Variants in CPD observed in about 807,000 individuals in gnomAD.
The protein encoded by CPD is carboxypeptidase D.
CPD carries 69 observed loss-of-function variants against 138.3 expected under a neutral mutation model. That is an observed-to-expected ratio of 0.50 (90% CI 0.41 to 0.61). CPD has a LOEUF of 0.61. CPD is among the 20% of genes least tolerant of loss of function. CPD has a pLI of 0.00. For missense variants in CPD, 1,432 were observed against 1,733.3 expected (o/e 0.83, Z 3.09); for synonymous variants, 651 against 642.1 (o/e 1.01, Z -0.21).
chr17:30,456,846 CAA>C lies in CPD; in HGVS notation c.3498+342_3498+343del, dbSNP rs11353479. On this transcript the variant is annotated intron_variant, in intron 17 of 20. Transcript: ENST00000225719. ...TGGGCAACAGAGCAAGATTCCATCT[CAA>C]AAAAAAAAAAAAAAAAAAAAAGAAT... is the stretch of plus-strand genomic sequence containing the variant. 3.3e-3 allele frequency: 221 copies of C among 66,752 alleles called. 1 individual carries two copies. The highest frequency in any genetic ancestry group is 0.027 in the East Asian group (65 of 2,442). 4.1% of individuals were successfully genotyped at this position (66,752 alleles called of 1,614,324 possible). A position where few individuals can be genotyped will look rare whatever the true frequency, so the allele number is the denominator to read the frequency against.
intron 11 of CPD, among the ~76,000 whole-genome samples, chr17:30,444,366 A>G (rs1912968333): frequency 6.6e-6 from 1 of 152,152 alleles, no homozygotes. Context: ...AATGTGTTCA[A>G]GATAGTTTTT....
chr17:30,461,072 C>T (rs1184526344), intron 17 of CPD, 108 bp from the exon 18 acceptor site: 21 of 773,672 alleles, frequency 2.7e-5, no homozygotes, highest in African/African-American at 5.3e-5. Flanking sequence ...TCTTTGTTTA[C>T]GTCAGCTACG....
In CPD at chr17:30,469,020, T is replaced by G. The variant is rs1913718362; in HGVS notation, c.*4206T>G. 1 of 152,182 alleles carries G rather than the reference T, an allele frequency of 6.6e-6. No individual in the cohort carries two copies. 9.4% of individuals were successfully genotyped at this position (152,182 alleles called of 1,614,324 possible). A position where few individuals can be genotyped will look rare whatever the true frequency, so the allele number is the denominator to read the frequency against. On this transcript the variant is annotated 3_prime_UTR_variant, in exon 21 of 21. Coordinates refer to ENST00000225719, the MANE Select transcript of CPD (RefSeq NM_001304.5). Reference sequence around the variant, plus strand: ...GCATTTTAAACTTGTTCGTTAAAAATTTGGTCCTTTTTCCAGGTGAGGCCC... The same window carrying G: ...GCATTTTAAACTTGTTCGTTAAAAAGTTGGTCCTTTTTCCAGGTGAGGCCC...
At chr17:30,456,420 C>T in intron 16 of CPD, 42 bp from the exon 17 acceptor site, 1 of 1,611,068 alleles carries the variant, frequency 6.2e-7, no homozygotes, top group Non-Finnish European at 8.5e-7. Flanking sequence ...GGAGTTTCAC[C>T]TTAAGGTCTT....
intron 2 of CPD, among the ~76,000 whole-genome samples, chr17:30,395,354 C>CA (rs1488040158): frequency 6.6e-6 from 1 of 152,082 alleles, no homozygotes; most frequent in African/African-American, 2.4e-5. Flanking sequence ...TGCTTTTGGT[C>CA]TTACCTGATC....
intron 8 of CPD, 78 bp downstream of exon 8, chr17:30,431,959 T>G: frequency 1.1e-6 from 1 of 944,224 alleles, no homozygotes; most frequent in South Asian, 1.6e-5. Context: ...CCTGCAAGAC[T>G]CAGGTCAAGT....
chr17:30,428,226 T>C (rs948336519), intron 7 of CPD, among the ~76,000 whole-genome samples: 11 of 152,068 alleles, frequency 7.2e-5, no homozygotes, highest in Non-Finnish European at 1.5e-4. Flanking sequence ...ATAGGATGAG[T>C]GTCAAGATTA....
intron 8 of CPD, among the ~76,000 whole-genome samples, chr17:30,432,762 A>T (rs1364512537): frequency 6.6e-6 from 1 of 151,990 alleles, no homozygotes; most frequent in Non-Finnish European, 1.5e-5. Flanking sequence ...TAAAAAATAA[A>T]AAAAAAATTA....
intron 2 of CPD, among the ~76,000 whole-genome samples, chr17:30,391,179 C>T (rs1381746764): frequency 1.4e-5 from 2 of 141,912 alleles, no homozygotes; most frequent in Non-Finnish European, 3.0e-5. Context: ...ATTTGTATGC[C>T]ATTTGCCTAC....
At chr17:30,439,218 T>A in intron 9 of CPD, 141 bp downstream of exon 9, 1 of 529,274 alleles carries the variant, frequency 1.9e-6, no homozygotes, top group Non-Finnish European at 3.3e-6. Flanking sequence ...AATATTTAAA[T>A]AATCTTTTCA....
At chr17:30,449,531 T>G in intron 12 of CPD, 22 bp from the exon 13 acceptor site, 1 of 1,559,966 alleles carries the variant, frequency 6.4e-7, no homozygotes, top group Non-Finnish European at 8.6e-7. Context: ...TTGCTGATTT[T>G]TTTGTTTCTG....
At chr17:30,420,786 T>C in intron 2 of CPD, 55 bp from the exon 3 acceptor site, 1 of 1,496,908 alleles carries the variant, frequency 6.7e-7, no homozygotes, top group Non-Finnish European at 9.2e-7. Context: ...TTCAGTCTTT[T>C]GGAGGGTAGA....
rs751717151 is a variant in CPD at position 30,423,678 on chromosome 17, G to A, written c.1830G>A (p.Gly610=). The change falls in exon 6 of 21, where the codon GGG becomes GGA. Residue 610 remains glycine, a synonymous_variant. Coordinates refer to ENST00000225719, the MANE Select transcript of CPD (RefSeq NM_001304.5). ...IHLMPSMNPD[G]YEKSQEGDSI... The stretch of plus-strand genomic sequence containing the variant: ...TTATGCCATCCATGAATCCTGATGG[G>A]TATGAAAAGTCCCAGGAAGGTAAAG... The A allele has an allele frequency of 7.0e-5, 111 of 1,584,988 alleles. No individual in the cohort carries two copies. The highest frequency in any genetic ancestry group is 9.1e-5 in the Non-Finnish European group (106 of 1,166,956).
intron 8 of CPD, among the ~76,000 whole-genome samples, chr17:30,433,259 A>G (rs918204656): frequency 4.6e-5 from 7 of 152,210 alleles, no homozygotes; most frequent in African/African-American, 1.7e-4. Flanking sequence ...GTGGAGTAAT[A>G]AGAGAATGTA....
At chr17:30,400,361 T>G (rs1911620289) in intron 2 of CPD, among the ~76,000 whole-genome samples, 1 of 152,212 alleles carries the variant, frequency 6.6e-6, no homozygotes, top group South Asian at 2.1e-4. Flanking sequence ...CCTCCCCTTT[T>G]ATGTTGTACT....
Position 30,456,319 on chromosome 17 carries a change from AC to A in CPD, c.3402del (p.His1134GlnfsTer19). The A allele has an allele frequency of 6.2e-7, 1 of 1,614,252 alleles. No homozygotes were observed. Among genetic ancestry groups the A allele is most frequent in the South Asian group, 1.1e-5 (1 of 91,090 alleles). On this transcript the variant is annotated frameshift_variant, in exon 16 of 21. Coordinates refer to ENST00000225719, the MANE Select transcript of CPD (RefSeq NM_001304.5). LOFTEE classifies it high-confidence loss of function. ...TATGCAAATAATCATCCATCCATGC[AC>A]ATGGGTCAGCCCAGTTGCCCAAATA... ...SLYANNHPSMHMGQPSCPNKS... is the reference protein window; with the variant it reads ...SLYANNHPSMXMGQPSCPNKS...
intron 14 of CPD, among the ~76,000 whole-genome samples, chr17:30,452,503 C>A (rs1316071851): frequency 6.7e-6 from 1 of 149,946 alleles, no homozygotes; most frequent in African/African-American, 2.5e-5. Flanking sequence ...AACTCCCGAC[C>A]TCGGGTGATC....
At chr17:30,406,887 C>T (rs1911815282) in intron 2 of CPD, among the ~76,000 whole-genome samples, 2 of 152,054 alleles carry the variant, frequency 1.3e-5, no homozygotes, top group Non-Finnish European at 1.5e-5. Flanking sequence ...CATAGGTATA[C>T]ATGTGTCATG....
At chr17:30,404,447 G>A (rs1911755629) in intron 2 of CPD, among the ~76,000 whole-genome samples, 1 of 151,988 alleles carries the variant, frequency 6.6e-6, no homozygotes, top group Non-Finnish European at 1.5e-5. Flanking sequence ...ATAAATATAT[G>A]CCTGCAGTAA....
Sources: gnomAD v4.1 joint callset for allele counts (sites outside exome capture counted in the v4.1 genomes callset) on GRCh38, gnomAD v4.1.1 for gene constraint, MANE v1.5 for transcripts, NCBI Gene and HGNC (gene_info 2026-07-23, HGNC 2026-07-21) for gene names.